PARD3: variants seen among roughly 807,000 people sequenced by gnomAD.
The protein encoded by PARD3 is par-3 family cell polarity regulator, also known as partitioning defective 3 homolog.
A neutral mutation model predicts 155.4 loss-of-function variants in PARD3; 75 were observed. That is an observed-to-expected ratio of 0.48 (90% CI 0.40 to 0.58). PARD3 has a LOEUF of 0.58. PARD3 is among the 20% of genes least tolerant of loss of function. The pLI is 0.00. For missense variants in PARD3, 1,642 were observed against 1,721.7 expected, an observed-to-expected ratio of 0.95 and a Z score of 0.82; for synonymous variants, 576 against 610.5, an observed-to-expected ratio of 0.94 and a Z score of 0.83.
In PARD3 at chr10:34,737,303, G is replaced by A. The variant is rs756007473; in HGVS notation, c.121-40884C>T. ...TTCTGTAACTATGTGCTCAGGCAAG[G>A]AAGATTTCCCACTTCTCCACTAACA... On this transcript the variant is annotated intron_variant, in intron 1 of 24. Transcript: ENST00000374788. Among the ~76,000 whole-genome samples the A allele has an allele frequency of 4.6e-5, 7 of 152,176 alleles. No individual in the cohort carries two copies. In the South Asian group the frequency reaches 6.2e-4, roughly 13 times the overall value.
At chr10:34,814,742 G>A in intron 1 of PARD3, 134 bp downstream of exon 1, 1 of 752,374 alleles carries the variant, frequency 1.3e-6, no homozygotes, top group Non-Finnish European at 2.0e-6. Context: ...GGGGGCGCCC[G>A]CGAGGCCCGA....
intron 22 of PARD3, among the ~76,000 whole-genome samples, chr10:34,174,169 C>G (rs1242642965): frequency 6.6e-6 from 1 of 152,180 alleles, no homozygotes; most frequent in African/African-American, 2.4e-5. Flanking sequence ...CAACTAGAAA[C>G]ACACTTAGGT....
intron 2 of PARD3, among the ~76,000 whole-genome samples, chr10:34,634,928 G>A (rs1252015256): frequency 1.3e-5 from 2 of 152,204 alleles, no homozygotes; most frequent in African/African-American, 2.4e-5. Context: ...CATCACCACA[G>A]GCGAAGCAGG....
At chr10:34,387,644 T>A (rs945125994) in intron 7 of PARD3, among the ~76,000 whole-genome samples, 1 of 152,198 alleles carries the variant, frequency 6.6e-6, no homozygotes, top group Non-Finnish European at 1.5e-5. Flanking sequence ...CTTGAACTCC[T>A]GGACTTGGCC....
chr10:34,111,269 G>A lies in PARD3; in HGVS notation c.3962C>T (p.Pro1321Leu). ...CACATCTTGCCGGAAGGGCCCCTTG[G>A]GAGGGGCGTAACTGGGGTCCTGGAC... ...KKVQDPSYAPPKGPFRQDVPP... is the reference protein window; with the variant it reads ...KKVQDPSYAPLKGPFRQDVPP... Residue 1321 changes from proline (P) to leucine (L), a missense_variant, in exon 25 of 25, where the codon CCC (proline) becomes CTC (leucine). By Grantham distance (98) the Pro-to-Leu change is moderately conservative. Around this residue, in one of 3 missense-constraint regions of PARD3, gnomAD observed 1,529 missense variants for 1,587.3 expected, o/e 0.96. Coordinates refer to ENST00000374788, the MANE Select transcript of PARD3 (RefSeq NM_001184785.2). 6.2e-7 allele frequency: 1 copy of A among 1,613,610 alleles called. No homozygotes were observed.
At chr10:34,687,023 C>T (rs11009874) in intron 2 of PARD3, among the ~76,000 whole-genome samples, 92,369 of 151,730 alleles carry the variant, frequency 0.61, 29,030 homozygotes, top group Non-Finnish European at 0.67. Flanking sequence ...CACTCCAGTC[C>T]GGGCGACAGA....
chr10:34,562,062 G>T (rs544938957), intron 2 of PARD3, among the ~76,000 whole-genome samples: 7 of 148,866 alleles, frequency 4.7e-5, no homozygotes, highest in Admixed American at 2.7e-4. Flanking sequence ...GAACCTGGGA[G>T]GGGGGGTGAA....
chr10:34,383,577 T>C (rs1842066171), intron 8 of PARD3, among the ~76,000 whole-genome samples: 1 of 152,198 alleles, frequency 6.6e-6, no homozygotes, highest in South Asian at 2.1e-4. Flanking sequence ...GCTGGTTCCC[T>C]GGTCAGGACC....
chr10:34,488,988 C>T (rs997237325), intron 3 of PARD3: 2 of 152,748 alleles, frequency 1.3e-5, no homozygotes, highest in Non-Finnish European at 2.9e-5. Flanking sequence ...GGCCCCGCCG[C>T]TTGCCCGCCC....
At chr10:34,386,343 T>C (rs1842345898) in intron 7 of PARD3, among the ~76,000 whole-genome samples, 1 of 152,214 alleles carries the variant, frequency 6.6e-6, no homozygotes, top group Non-Finnish European at 1.5e-5. Flanking sequence ...AAGAATAAAG[T>C]ACACTGATTT....
Position 34,317,318 on chromosome 10 carries a change from T to C in PARD3, c.2854A>G (p.Ser952Gly), listed in dbSNP as rs767117864. 1 of 1,606,628 alleles carries C rather than the reference T, an allele frequency of 6.2e-7. No homozygotes were observed. The highest frequency in any genetic ancestry group is 1.7e-5 in the Admixed American group (1 of 58,836). The change falls in exon 20 of 25, where the codon AGT becomes GGT. Residue 952 changes from serine to glycine, a missense_variant. By Grantham distance (56) the Ser-to-Gly change is moderately conservative. Coordinates refer to ENST00000374788, the MANE Select transcript of PARD3 (RefSeq NM_001184785.2). ...ACAGACTCTCTCCCTGATCTTGAAC[T>C]TTCTTCTGTGTCTTCTTCCACTTGG... ...METLEEDTEE[S>G]SRSGRESVST...
chr10:34,144,165 T>G (rs1490567849), intron 22 of PARD3, among the ~76,000 whole-genome samples: 2 of 152,210 alleles, frequency 1.3e-5, no homozygotes, highest in African/African-American at 4.8e-5. Context: ...TGATAGATTG[T>G]GAAAGGGCTT....
chr10:34,381,347 A>T (rs746074539), intron 9 of PARD3, among the ~76,000 whole-genome samples: 4 of 152,192 alleles, frequency 2.6e-5, no homozygotes, highest in Non-Finnish European at 5.9e-5. Context: ...AAAAAAAAAT[A>T]TTCTTTATAA....
At chr10:34,336,758 A>C (rs534628352) in intron 17 of PARD3, among the ~76,000 whole-genome samples, 1 of 152,256 alleles carries the variant, frequency 6.6e-6, no homozygotes, top group African/African-American at 2.4e-5. Flanking sequence ...ATACTCTCAA[A>C]TTATTACTTT....
chr10:34,726,018 G>A (rs2094703804), intron 1 of PARD3, among the ~76,000 whole-genome samples: 1 of 152,168 alleles, frequency 6.6e-6, no homozygotes, highest in Middle Eastern at 3.2e-3. Flanking sequence ...CCAGACTTAA[G>A]GGAGTGTAAA....
In PARD3 at chr10:34,399,258, CTCTA is replaced by C. The variant is rs879139278; in HGVS notation, c.890+68_890+71del. Reference sequence around the variant, plus strand: ...AAGCATATGCTAAGTCAACACCACTCTCTATCTGAGCATAAATGAAGATAAAACA... The same window carrying C: ...AAGCATATGCTAAGTCAACACCACTCTCTGAGCATAAATGAAGATAAAACA... On this transcript the variant is annotated intron_variant, in intron 7 of 24. Coordinates refer to ENST00000374788, the MANE Select transcript of PARD3 (RefSeq NM_001184785.2). The C allele has an allele frequency of 3.2e-4, 313 of 977,634 alleles. 5 individuals carry two copies. In the South Asian group the frequency reaches 3.6e-3, roughly 11 times the overall value. The allele number at this position is 977,634 out of a possible 1,614,324, so 60.6% of individuals were successfully genotyped here. A position where few individuals can be genotyped will look rare whatever the true frequency, so the allele number is the denominator to read the frequency against.
In PARD3 at chr10:34,733,284, G is replaced by A. The variant is rs140507673; in HGVS notation, c.121-36865C>T. Among the ~76,000 whole-genome samples the A allele has an allele frequency of 4.8e-3, 730 of 152,224 alleles. 2 individuals are homozygous for A. Among genetic ancestry groups the A allele is most frequent in the African/African-American group, 0.016 (647 of 41,544 alleles). ...TACAAATGGAAGTAGAATTTTCCCA[G>A]TATCATTGACAGTGACTATTAGAAT... is the stretch of plus-strand genomic sequence containing the variant. On this transcript the variant is annotated intron_variant, in intron 1 of 24. Coordinates refer to ENST00000374788, the MANE Select transcript of PARD3 (RefSeq NM_001184785.2).
chr10:34,343,395 T>G (rs1052231305), intron 15 of PARD3: 28 of 983,802 alleles, frequency 2.8e-5, no homozygotes, highest in Non-Finnish European at 3.3e-5. Context: ...TGATTTTTTT[T>G]GTAATCTGTT....
intron 2 of PARD3, among the ~76,000 whole-genome samples, chr10:34,526,076 G>A (rs1332812677): frequency 3.9e-5 from 3 of 77,506 alleles, no homozygotes; most frequent in Admixed American, 3.7e-4. Flanking sequence ...GAGAGACTCC[G>A]TATCAAAAAA....
Sources: gnomAD v4.1 joint callset for allele counts (sites outside exome capture counted in the v4.1 genomes callset) on GRCh38, gnomAD v4.1.1 for gene constraint, gnomAD v4.1.1 regional missense constraint, MANE v1.5 for transcripts, NCBI Gene and HGNC (gene_info 2026-07-23, HGNC 2026-07-21) for gene names.